The following ANKRD45 variants were observed in gnomAD, a reference collection of about 807,000 sequenced individuals.
ANKRD45 encodes ankyrin repeat domain-containing protein 45.
ANKRD45 carries 21 observed loss-of-function variants against 28.1 expected under a neutral mutation model. The observed-to-expected ratio is 0.75, with a 90% CI of 0.53 to 1.08. The LOEUF is 1.08. Among genes scored for constraint, ANKRD45 ranks in the 50% least tolerant of loss-of-function variants. The pLI, the probability that ANKRD45 is intolerant of heterozygous loss-of-function variation, is 0.00. For missense variants in ANKRD45, 261 were observed against 308.7 expected (o/e 0.85, Z 1.16); for synonymous variants, 86 against 103.9 (o/e 0.83, Z 1.05).
the ANKRD45 span, among the ~76,000 whole-genome samples, chr1:173,694,534 TTTATTATTATTA>T: frequency 1.4e-3 from 203 of 144,104 alleles, 2 homozygotes; most frequent in Admixed American, 3.9e-3. Flanking sequence ...ACTTAAGAAG[TTTATTATTATTA>T]TTATTATTAT....
chr1:173,623,310 GAA>G (rs1219913580), intron 5 of ANKRD45, among the ~76,000 whole-genome samples: 2 of 110,430 alleles, frequency 1.8e-5, no homozygotes, highest in African/African-American at 6.7e-5. Flanking sequence ...ACTCCGCCTC[GAA>G]AAAAAAAAAA....
At chr1:173,674,544 G>A (rs957896575), upstream of ANKRD45, among the ~76,000 whole-genome samples, 2 of 152,246 alleles carry the variant, frequency 1.3e-5, no homozygotes, top group Middle Eastern at 3.4e-3. Flanking sequence ...GGTTTTATAC[G>A]TTTTAAGAAG....
intron 3 of ANKRD45, among the ~76,000 whole-genome samples, chr1:173,641,935 C>T (rs950000567): frequency 3.9e-5 from 6 of 152,110 alleles, no homozygotes; most frequent in Non-Finnish European, 8.8e-5. Flanking sequence ...GGGACTCCAT[C>T]GAAGGGATAG....
intron 1 of ANKRD45, chr1:173,667,857 A>G (rs1427720424): frequency 4.1e-6 from 1 of 243,430 alleles, no homozygotes; most frequent in Non-Finnish European, 8.1e-6. Flanking sequence ...ACATATTTCA[A>G]AACAACATAT....
At chr1:173,610,606 G>A (rs1279821727) in intron 5 of ANKRD45, among the ~76,000 whole-genome samples, 1 of 152,030 alleles carries the variant, frequency 6.6e-6, no homozygotes, top group African/African-American at 2.4e-5. Flanking sequence ...TCGGGGGAGA[G>A]AGGCAAATCT....
the ANKRD45 span, among the ~76,000 whole-genome samples, chr1:173,689,826 G>A: frequency 6.6e-6 from 1 of 152,002 alleles, no homozygotes; most frequent in Non-Finnish European, 1.5e-5. Flanking sequence ...GCCTGTGGTA[G>A]GAATGTTTTC....
the ANKRD45 span, among the ~76,000 whole-genome samples, chr1:173,697,991 GAA>G: frequency 7.5e-6 from 1 of 133,364 alleles, no homozygotes; most frequent in African/African-American, 2.7e-5. Context: ...AAAATGGAAA[GAA>G]AAAAAAAAAG....
In ANKRD45 at chr1:173,632,463, A is replaced by G. The variant is rs1389882258; in HGVS notation, c.497-5304T>C. 7.2e-5 allele frequency among the ~76,000 whole-genome samples: 11 copies of G among 151,926 alleles called. 1 individual carries two copies. Among genetic ancestry groups the G allele is most frequent in the Admixed American group, 7.2e-4 (11 of 15,244 alleles). On this transcript the variant is annotated intron_variant, in intron 3 of 5. Coordinates refer to ENST00000333279, the MANE Select transcript of ANKRD45 (RefSeq NM_198493.3). The stretch of plus-strand genomic sequence containing the variant: ...TATTCTGAAAAATAGAGAAGGAGGA[A>G]ATACTTCCAAATACATTTTACAGAG...
the ANKRD45 span, among the ~76,000 whole-genome samples, chr1:173,687,238 AAT>A: frequency 6.6e-6 from 1 of 152,212 alleles, no homozygotes; most frequent in East Asian, 1.9e-4. Flanking sequence ...CTGTTTCTTC[AAT>A]AGTTTTACAT....
chr1:173,673,734 A>G (rs2102410021), upstream of ANKRD45, among the ~76,000 whole-genome samples: 1 of 152,302 alleles, frequency 6.6e-6, no homozygotes, highest in Admixed American at 6.5e-5. Context: ...TCTGGTTTAA[A>G]ACACCAGAGG....
At chr1:173,675,260 G>T in the ANKRD45 span, 1 of 256,222 alleles carries the variant, frequency 3.9e-6, no homozygotes, top group Non-Finnish European at 7.9e-6. Context: ...TAGGAAAAAT[G>T]GAGAAAAAAG....
chr1:173,692,570 T>C, the ANKRD45 span, among the ~76,000 whole-genome samples: 4 of 152,296 alleles, frequency 2.6e-5, 1 homozygote, highest in African/African-American at 9.6e-5. Context: ...GCCCAAGATA[T>C]TTTCCTTTCA....
the ANKRD45 span, among the ~76,000 whole-genome samples, chr1:173,685,206 A>G: frequency 4.5e-4 from 69 of 152,180 alleles, no homozygotes; most frequent in Non-Finnish European, 8.8e-4. Flanking sequence ...ACAAGGGCTG[A>G]CTGATTGATA....
chr1:173,708,214 A>G, the ANKRD45 span, among the ~76,000 whole-genome samples: 8 of 152,154 alleles, frequency 5.3e-5, no homozygotes, highest in African/African-American at 1.9e-4. Context: ...ATTTGGTGCT[A>G]TGGTTTGACT....
chr1:173,649,051 T>C (rs998988587), intron 2 of ANKRD45, among the ~76,000 whole-genome samples: 11 of 152,202 alleles, frequency 7.2e-5, no homozygotes, highest in African/African-American at 2.4e-4. Flanking sequence ...GTGTTATCCA[T>C]TTTAATACCC....
Position 173,610,094 on chromosome 1 carries a change from G to T in ANKRD45, c.*51C>A, listed in dbSNP as rs531811256. ...TCTCGATTTCAAATGGCATGAATAG[G>T]TTTGCCTTTCAGATACTAAAAGAAA... On this transcript the variant is annotated 3_prime_UTR_variant, in exon 6 of 6. Coordinates refer to ENST00000333279, the MANE Select transcript of ANKRD45 (RefSeq NM_198493.3). The T allele has an allele frequency of 5.2e-6, 8 of 1,539,170 alleles. No individual in the cohort carries two copies. In the Admixed American group the frequency reaches 1.2e-4, roughly 23 times the overall value.
the ANKRD45 span, among the ~76,000 whole-genome samples, chr1:173,688,965 GAACA>G: frequency 6.6e-6 from 1 of 152,094 alleles, no homozygotes; most frequent in African/African-American, 2.4e-5. Context: ...GGGTTGGGGG[GAACA>G]AACAGAGGAG....
chr1:173,700,055 T>C, the ANKRD45 span, among the ~76,000 whole-genome samples: 3 of 152,186 alleles, frequency 2.0e-5, no homozygotes, highest in Non-Finnish European at 4.4e-5. Flanking sequence ...AAATCACGTG[T>C]GACTTCCCAT....
At chr1:173,620,807 G>A (rs75042126) in intron 5 of ANKRD45, among the ~76,000 whole-genome samples, 10,147 of 150,888 alleles carry the variant, frequency 0.067, 1,186 homozygotes, top group African/African-American at 0.23. Context: ...AATCAAAATC[G>A]GAGCAGAATT....
Sources: gnomAD v4.1 joint callset for allele counts (sites outside exome capture counted in the v4.1 genomes callset) on GRCh38, gnomAD v4.1.1 for gene constraint, MANE v1.5 for transcripts, NCBI Gene and HGNC (gene_info 2026-07-23, HGNC 2026-07-21) for gene names.